The following CAMKMT variants were observed in gnomAD, a reference collection of about 807,000 sequenced individuals.
The protein encoded by CAMKMT is calmodulin-lysine N-methyltransferase, also known as CaM KMT.
In CAMKMT, 53 loss-of-function variants were observed where a neutral mutation model predicts 48.0. That is an observed-to-expected ratio of 1.10 (90% CI 0.89 to 1.39). The LOEUF (loss-of-function observed/expected upper bound fraction) is 1.39. Among genes scored for constraint, CAMKMT ranks in the 40% most tolerant of loss-of-function variants. The probability of loss-of-function intolerance (pLI) is 0.00; values close to 1 mark genes in which losing one functional copy is unlikely to be tolerated. For missense variants in CAMKMT, 428 were observed against 402.7 expected (o/e 1.06, Z -0.54); for synonymous variants, 165 against 152.3 (o/e 1.08, Z -0.61).
intron 3 of CAMKMT, among the ~76,000 whole-genome samples, chr2:44,482,423 C>G (rs1669019862): frequency 6.6e-6 from 1 of 152,018 alleles, no homozygotes; most frequent in South Asian, 2.1e-4. Flanking sequence ...TCATTGTGAG[C>G]ATCTATTGCT....
intron 3 of CAMKMT, among the ~76,000 whole-genome samples, chr2:44,419,974 C>G (rs377137690): frequency 1.1e-4 from 17 of 152,064 alleles, no homozygotes; most frequent in African/African-American, 4.1e-4. Context: ...GCCATTGTTT[C>G]TTTTTTTAGT....
intron 3 of CAMKMT, among the ~76,000 whole-genome samples, chr2:44,595,702 C>T (rs1670610542): frequency 6.6e-6 from 1 of 152,146 alleles, no homozygotes; most frequent in Non-Finnish European, 1.5e-5. Flanking sequence ...TATTGCGGCA[C>T]TGTTCACAAT....
At chr2:44,729,117 A>G (rs1678950957) in intron 7 of CAMKMT, among the ~76,000 whole-genome samples, 1 of 152,128 alleles carries the variant, frequency 6.6e-6, no homozygotes, top group Admixed American at 6.6e-5. Context: ...ATACGGGGTC[A>G]TTCCAGAGAA....
chr2:44,369,459 A>C (rs912836096), intron 1 of CAMKMT, among the ~76,000 whole-genome samples: 3 of 152,198 alleles, frequency 2.0e-5, no homozygotes, highest in Non-Finnish European at 4.4e-5. Flanking sequence ...TACTTTAAGC[A>C]GAAATGGGTT....
At chr2:44,523,676 C>T (rs1671244344) in intron 3 of CAMKMT, among the ~76,000 whole-genome samples, 1 of 151,676 alleles carries the variant, frequency 6.6e-6, no homozygotes, top group Admixed American at 6.6e-5. Flanking sequence ...TAACTGGGAC[C>T]ATAGACTATA....
chr2:44,371,132 C>A (rs1679137332), intron 1 of CAMKMT, among the ~76,000 whole-genome samples: 1 of 152,022 alleles, frequency 6.6e-6, no homozygotes, highest in Non-Finnish European at 1.5e-5. Context: ...TTACAGGCCC[C>A]CGCCACCACA....
chr2:44,724,442 A>T (rs1036937014), intron 7 of CAMKMT, among the ~76,000 whole-genome samples: 3 of 152,204 alleles, frequency 2.0e-5, no homozygotes. Flanking sequence ...AGCAAACTCC[A>T]TAGAGTTGAG....
chr2:44,704,314 C>G lies in CAMKMT; in HGVS notation c.408C>G (p.Tyr136Ter). 6.2e-7 allele frequency: 1 copy of G among 1,610,518 alleles called. No homozygotes were observed. Among genetic ancestry groups the G allele is most frequent in the South Asian group, 1.1e-5 (1 of 90,518 alleles). ...CIWPSEEVLA[Y>*]YCLKHNNIFR... is the part of the protein sequence containing the mutation. ...GGCCATCTGAAGAGGTTTTGGCTTA[C>G]TACTGCCTCAAGCACAATAATATAT... The change falls in exon 4 of 11, where the codon TAC becomes TAG. Residue 136 changes from tyrosine to a stop codon, truncating the protein, a stop_gained. Coordinates refer to ENST00000378494, the MANE Select transcript of CAMKMT (RefSeq NM_024766.5). LOFTEE classifies it high-confidence loss of function.
chr2:44,408,696 A>G (rs2104468179), intron 3 of CAMKMT, among the ~76,000 whole-genome samples: 1 of 152,192 alleles, frequency 6.6e-6, no homozygotes, highest in East Asian at 1.9e-4. Flanking sequence ...AAGGAAAGCT[A>G]GTATTCAGAA....
At chr2:44,546,202 C>CACACACACACACAT (rs1205658214) in intron 3 of CAMKMT, among the ~76,000 whole-genome samples, 65 of 139,012 alleles carry the variant, frequency 4.7e-4, no homozygotes, top group African/African-American at 1.5e-3. Flanking sequence ...CACACACACA[C>CACACACACACACAT]ATACATGCAC....
intron 3 of CAMKMT, among the ~76,000 whole-genome samples, chr2:44,522,683 C>G (rs1267092969): frequency 6.6e-6 from 1 of 152,154 alleles, no homozygotes; most frequent in East Asian, 1.9e-4. Context: ...GAAGGCATTT[C>G]TTAATTTGAG....
At position 44,362,066 on chromosome 2, in the gene CAMKMT, G is replaced by A. The variant is rs563496559; in HGVS notation, c.59G>A (p.Ser20Asn). The change falls in exon 1 of 11, where the codon AGT becomes AAT. Residue 20 changes from serine (S) to asparagine (N), a missense_variant. By Grantham distance (46) the Ser-to-Asn change is conservative. Transcript: ENST00000378494. ...GAGACCGCGCGAGCAGCGGGCGGGA[G>A]TCCGGCAGTTGGCTGCACCACTCGG... ...TGETARAAGGSPAVGCTTRGP... is the reference protein window; with the variant it reads ...TGETARAAGGNPAVGCTTRGP... 398 of 1,443,968 alleles carry A rather than the reference G, an allele frequency of 2.8e-4. 10 individuals carry two copies. In the South Asian group the frequency reaches 5.2e-3, roughly 19 times the overall value. 89.4% of individuals were successfully genotyped at this position (1,443,968 alleles called of 1,614,324 possible). A position where few individuals can be genotyped will look rare whatever the true frequency, so the allele number is the denominator to read the frequency against.
chr2:44,616,325 A>G (rs1267452992), intron 3 of CAMKMT, among the ~76,000 whole-genome samples: 3 of 152,214 alleles, frequency 2.0e-5, no homozygotes, highest in African/African-American at 7.2e-5. Flanking sequence ...TTAGTCACGT[A>G]CCAACTTTTA....
intron 3 of CAMKMT, among the ~76,000 whole-genome samples, chr2:44,563,014 G>A (rs565582047): frequency 6.2e-4 from 94 of 152,240 alleles, no homozygotes; most frequent in Non-Finnish European, 1.1e-3. Flanking sequence ...TTTTTTAACA[G>A]ACATTACATT....
intron 3 of CAMKMT, among the ~76,000 whole-genome samples, chr2:44,570,222 T>C (rs572170042): frequency 5.3e-5 from 8 of 152,334 alleles, no homozygotes; most frequent in South Asian, 2.1e-4. Context: ...ATCAGACCCA[T>C]TGAGTTTCTT....
At chr2:44,565,282 A>G (rs1668551569) in intron 3 of CAMKMT, among the ~76,000 whole-genome samples, 1 of 152,224 alleles carries the variant, frequency 6.6e-6, no homozygotes, top group African/African-American at 2.4e-5. Context: ...AACATTAAAA[A>G]AATAATAAAG....
intron 2 of CAMKMT, among the ~76,000 whole-genome samples, chr2:44,373,699 T>C (rs1157754826): frequency 6.6e-6 from 1 of 152,216 alleles, no homozygotes; most frequent in Non-Finnish European, 1.5e-5. Context: ...TTATAGTATA[T>C]GTTTCTCGAG....
chr2:44,594,156 A>G (rs888484018), intron 3 of CAMKMT, among the ~76,000 whole-genome samples: 3 of 152,200 alleles, frequency 2.0e-5, no homozygotes, highest in African/African-American at 4.8e-5. Flanking sequence ...GCTCAAGGAA[A>G]TGAGAGGACA....
intron 3 of CAMKMT, among the ~76,000 whole-genome samples, chr2:44,600,119 A>G (rs548164665): frequency 6.3e-4 from 96 of 152,240 alleles, no homozygotes; most frequent in African/African-American, 2.3e-3. Flanking sequence ...ATTTACATTT[A>G]TCATTGAATT....
Sources: allele counts gnomAD v4.1 joint callset (sites outside exome capture counted in the v4.1 genomes callset), GRCh38; gene constraint gnomAD v4.1.1; transcripts MANE v1.5; gene names NCBI Gene and HGNC (gene_info 2026-07-23, HGNC 2026-07-21).